MRAP2: variants seen among roughly 807,000 people sequenced by gnomAD.
The protein encoded by MRAP2 is melanocortin 2 receptor accessory protein 2.
A neutral mutation model predicts 17.4 loss-of-function variants in MRAP2; 20 were observed. The ratio of observed to expected loss-of-function variants is 1.15; its 90% confidence interval spans 0.81 to 1.67. The LOEUF (loss-of-function observed/expected upper bound fraction) is 1.67. Ranked by LOEUF, MRAP2 falls within the 40% of genes most tolerant of loss-of-function variation. The probability of loss-of-function intolerance (pLI) is 0.00; values close to 1 mark genes in which losing one functional copy is unlikely to be tolerated. For synonymous variants in MRAP2, 96 were observed against 88.4 expected (o/e 1.09, Z -0.48); for missense variants, 238 against 240.0 (o/e 0.99, Z 0.05).
chr6:84,064,006 C>A (rs903969527), intron 3 of MRAP2, among the ~76,000 whole-genome samples: 1 of 151,718 alleles, frequency 6.6e-6, no homozygotes, highest in Non-Finnish European at 1.5e-5. Context: ...GGTCACACCA[C>A]CGCACTCCAG....
chr6:84,098,543 T>G, the MRAP2 span, among the ~76,000 whole-genome samples: 1 of 152,192 alleles, frequency 6.6e-6, no homozygotes, highest in Admixed American at 6.5e-5. Context: ...AAGAAACTGC[T>G]AAACAGTTTT....
chr6:84,035,453 A>G, intron 1 of MRAP2: 1 of 979,792 alleles, frequency 1.0e-6, no homozygotes, highest in Non-Finnish European at 1.2e-6. Context: ...TGCTGTATCC[A>G]TTGTCTTCAA....
At chr6:84,106,935 T>C in the MRAP2 span, among the ~76,000 whole-genome samples, 7,759 of 152,216 alleles carry the variant, frequency 0.051, 680 homozygotes, top group African/African-American at 0.18. Flanking sequence ...TAAGGCCCAG[T>C]AGCAGGTAAA....
intron 3 of MRAP2, among the ~76,000 whole-genome samples, chr6:84,078,054 A>G (rs1241936236): frequency 6.6e-6 from 1 of 152,228 alleles, no homozygotes; most frequent in Non-Finnish European, 1.5e-5. Flanking sequence ...AGAAGAAAGC[A>G]TAGGAGAATA....
intron 3 of MRAP2, among the ~76,000 whole-genome samples, chr6:84,083,334 C>T (rs953241101): frequency 3.9e-5 from 6 of 152,198 alleles, no homozygotes; most frequent in African/African-American, 1.4e-4. Flanking sequence ...CAAAGCTAGT[C>T]ATCATTTTAA....
At chr6:84,065,471 C>T (rs1469949284) in intron 3 of MRAP2, among the ~76,000 whole-genome samples, 1 of 152,016 alleles carries the variant, frequency 6.6e-6, no homozygotes, top group Non-Finnish European at 1.5e-5. Flanking sequence ...ATTGGCCCAG[C>T]GAATTTGAAA....
At chr6:84,118,062 C>T in the MRAP2 span, among the ~76,000 whole-genome samples, 7 of 152,210 alleles carry the variant, frequency 4.6e-5, no homozygotes, top group Admixed American at 2.0e-4. Context: ...TCTCCAATGC[C>T]TGCAGGCTGG....
the MRAP2 span, among the ~76,000 whole-genome samples, chr6:84,114,637 C>A: frequency 2.0e-5 from 3 of 152,076 alleles, no homozygotes; most frequent in African/African-American, 7.2e-5. Context: ...GAGTTGTGAT[C>A]CTTTGGAGAA....
At chr6:84,104,015 T>G in the MRAP2 span, among the ~76,000 whole-genome samples, 4 of 152,212 alleles carry the variant, frequency 2.6e-5, no homozygotes, top group Admixed American at 2.0e-4. Flanking sequence ...ATGCCTCTTC[T>G]CCTATAGATT....
At chr6:84,037,829 C>T (rs1415073097) in intron 1 of MRAP2, among the ~76,000 whole-genome samples, 1 of 152,058 alleles carries the variant, frequency 6.6e-6, no homozygotes, top group Non-Finnish European at 1.5e-5. Context: ...TCTCCCTCCA[C>T]ACCTCCCCGC....
At chr6:84,078,481 ACCAAATG>A (rs2099498163) in intron 3 of MRAP2, among the ~76,000 whole-genome samples, 1 of 152,202 alleles carries the variant, frequency 6.6e-6, no homozygotes, top group African/African-American at 2.4e-5. Flanking sequence ...GATTGACAAC[ACCAAATG>A]TTGGGAAGCA....
chr6:84,044,816 G>A (rs192575445), intron 1 of MRAP2, among the ~76,000 whole-genome samples: 2 of 152,262 alleles, frequency 1.3e-5, no homozygotes, highest in Admixed American at 6.5e-5. Context: ...CAGTACATAC[G>A]GCACCTTATT....
At chr6:84,137,443 G>A in the MRAP2 span, among the ~76,000 whole-genome samples, 5 of 152,066 alleles carry the variant, frequency 3.3e-5, no homozygotes, top group African/African-American at 1.2e-4. Flanking sequence ...TAAGAATTTT[G>A]ATAATTCTTA....
chr6:84,041,141 G>A (rs2099487468), intron 1 of MRAP2, among the ~76,000 whole-genome samples: 1 of 152,302 alleles, frequency 6.6e-6, no homozygotes, highest in East Asian at 1.9e-4. Flanking sequence ...AGGGGCCAAG[G>A]CATACAAAGG....
the MRAP2 span, among the ~76,000 whole-genome samples, chr6:84,097,399 A>T: frequency 1.3e-5 from 2 of 152,052 alleles, no homozygotes; most frequent in Non-Finnish European, 2.9e-5. Context: ...ACTTTCCTTC[A>T]TGCTTAGCTC....
At chr6:84,043,844 A>G (rs539748014) in intron 1 of MRAP2, among the ~76,000 whole-genome samples, 1 of 152,314 alleles carries the variant, frequency 6.6e-6, no homozygotes, top group Admixed American at 6.5e-5. Context: ...GTTGATCTGA[A>G]TGGACTCATA....
chr6:84,143,033 CTA>C, the MRAP2 span, among the ~76,000 whole-genome samples: 1 of 151,934 alleles, frequency 6.6e-6, no homozygotes, highest in Non-Finnish European at 1.5e-5. Context: ...TCAATAATTA[CTA>C]TGTTTTATGT....
At chr6:84,118,265 T>C in the MRAP2 span, among the ~76,000 whole-genome samples, 2 of 152,074 alleles carry the variant, frequency 1.3e-5, no homozygotes, top group East Asian at 1.9e-4. Flanking sequence ...ATTCTGGCCG[T>C]GCCCACAAAA....
chr6:84,113,683 T>C, the MRAP2 span, among the ~76,000 whole-genome samples: 1 of 152,240 alleles, frequency 6.6e-6, no homozygotes, highest in Non-Finnish European at 1.5e-5. Context: ...ATAGTGTCAA[T>C]GGTCTTTACA....
Sources: allele counts gnomAD v4.1 joint callset (sites outside exome capture counted in the v4.1 genomes callset), GRCh38; gene constraint gnomAD v4.1.1; transcripts MANE v1.5; gene names NCBI Gene and HGNC (gene_info 2026-07-23, HGNC 2026-07-21).